The following LYPD6 variants were observed in gnomAD, a reference collection of about 807,000 sequenced individuals.
LYPD6 encodes LY6/PLAUR domain containing 6.
In LYPD6, 15 loss-of-function variants were observed where a neutral mutation model predicts 22.7. The ratio of observed to expected loss-of-function variants is 0.66; its 90% CI spans 0.44 to 1.02. The LOEUF is 1.02. Ranked by LOEUF, LYPD6 falls within the 50% of genes least tolerant of loss-of-function variation. The pLI is 0.00. For missense variants in LYPD6, 189 were observed against 208.4 expected, an observed-to-expected ratio of 0.91 and a Z score of 0.57; for synonymous variants, 72 against 77.5, an observed-to-expected ratio of 0.93 and a Z score of 0.37.
Position 149,461,581 on chromosome 2 carries a change from CCAAA to C in LYPD6, c.218-7047_218-7044del, listed in dbSNP as rs547392682. ...ATACCAAAACCAGACCAACACAGCA[CCAAA>C]CAAACAAACAAACAAATACAAAATT... On this transcript the variant is annotated intron_variant, in intron 3 of 4. Transcript: ENST00000334166. 7.8e-3 allele frequency among the ~76,000 whole-genome samples: 1,181 copies of C among 151,760 alleles called. 12 individuals carry two copies. Among genetic ancestry groups the C allele is most frequent in the African/African-American group, 0.026 (1,069 of 41,448 alleles).
At chr2:149,458,075 G>GA (rs1681006022) in intron 3 of LYPD6, among the ~76,000 whole-genome samples, 1 of 152,148 alleles carries the variant, frequency 6.6e-6, no homozygotes, top group African/African-American at 2.4e-5. Flanking sequence ...AAACACTATG[G>GA]AAAAAATTGT....
chr2:149,475,361 A>G (rs1380534196), downstream of LYPD6, among the ~76,000 whole-genome samples: 2 of 152,178 alleles, frequency 1.3e-5, no homozygotes, highest in Non-Finnish European at 2.9e-5. Context: ...GGACTAAGGC[A>G]TGGACATGAA....
intron 1 of LYPD6, among the ~76,000 whole-genome samples, chr2:149,404,883 G>C (rs942003687): frequency 1.6e-4 from 24 of 152,026 alleles, no homozygotes; most frequent in African/African-American, 3.9e-4. Flanking sequence ...TCATAGATAG[G>C]TCTTATTATT....
chr2:149,404,439 G>A (rs902281385), intron 1 of LYPD6, among the ~76,000 whole-genome samples: 3 of 152,140 alleles, frequency 2.0e-5, no homozygotes, highest in Non-Finnish European at 4.4e-5. Context: ...TACTTGAAGA[G>A]GTCCTTCACA....
intron 1 of LYPD6, among the ~76,000 whole-genome samples, chr2:149,369,106 G>A (rs1681745553): frequency 6.6e-6 from 1 of 152,028 alleles, no homozygotes; most frequent in Admixed American, 6.6e-5. Flanking sequence ...TGAAGGGTGA[G>A]TGCCTGTGAC....
At chr2:149,421,667 T>C (rs1476474970) in intron 1 of LYPD6, among the ~76,000 whole-genome samples, 2 of 152,154 alleles carry the variant, frequency 1.3e-5, no homozygotes, top group African/African-American at 4.8e-5. Context: ...ATGTAACCAA[T>C]GTATTTTATT....
At chr2:149,394,598 C>G (rs1377179659) in intron 1 of LYPD6, among the ~76,000 whole-genome samples, 1 of 152,152 alleles carries the variant, frequency 6.6e-6, no homozygotes. Context: ...GTAATGACCA[C>G]AAATAGCATT....
At chr2:149,405,727 A>G (rs1186517828) in intron 1 of LYPD6, among the ~76,000 whole-genome samples, 2 of 151,346 alleles carry the variant, frequency 1.3e-5, no homozygotes, top group Non-Finnish European at 1.5e-5. Context: ...TTGTGTCTCT[A>G]TTTCCTTCAG....
chr2:149,357,421 A>T (rs1022850376), intron 1 of LYPD6, among the ~76,000 whole-genome samples: 1 of 152,206 alleles, frequency 6.6e-6, no homozygotes, highest in Non-Finnish European at 1.5e-5. Flanking sequence ...CACCTGGCAC[A>T]TGTTAACATG....
At chr2:149,384,774 A>T (rs1682143645) in intron 1 of LYPD6, among the ~76,000 whole-genome samples, 1 of 151,996 alleles carries the variant, frequency 6.6e-6, no homozygotes, top group Non-Finnish European at 1.5e-5. Context: ...ACATGTGCAC[A>T]GTGTGCAGGT....
At chr2:149,354,682 C>T (rs1003918100) in intron 1 of LYPD6, among the ~76,000 whole-genome samples, 8 of 152,162 alleles carry the variant, frequency 5.3e-5, no homozygotes, top group Non-Finnish European at 1.2e-4. Context: ...CAACCACCTG[C>T]TCACCTTTTC....
rs1681398235 is a variant in LYPD6, at chr2:149,473,800, T to C, written c.*2950T>C. On this transcript the variant is annotated 3_prime_UTR_variant, in exon 5 of 5. Transcript: ENST00000334166. The stretch of plus-strand genomic sequence containing the variant: ...TACAAGACAATTCACCCATGCCAAA[T>C]GATTCATACAGGCTGTTTAAGTACT... 1 of 152,126 alleles carries C rather than the reference T, an allele frequency of 6.6e-6. No individual in the cohort carries two copies. Among genetic ancestry groups the C allele is most frequent in the Admixed American group, 6.5e-5 (1 of 15,280 alleles). 9.4% of individuals were successfully genotyped at this position (152,126 alleles called of 1,614,324 possible).
intron 3 of LYPD6, among the ~76,000 whole-genome samples, chr2:149,452,759 T>C (rs940930735): frequency 6.6e-6 from 1 of 152,196 alleles, no homozygotes; most frequent in African/African-American, 2.4e-5. Context: ...AGAGACATAG[T>C]GTATCTTAGC....
At chr2:149,392,336 A>G (rs984324969) in intron 1 of LYPD6, among the ~76,000 whole-genome samples, 1 of 152,182 alleles carries the variant, frequency 6.6e-6, no homozygotes, top group Non-Finnish European at 1.5e-5. Flanking sequence ...GTGGAGGAAG[A>G]TCGCACTCCA....
intron 1 of LYPD6, among the ~76,000 whole-genome samples, chr2:149,398,190 T>C (rs1437664356): frequency 6.6e-6 from 1 of 152,202 alleles, no homozygotes; most frequent in African/African-American, 2.4e-5. Flanking sequence ...TGGATGAGAC[T>C]TCTTATGCCA....
chr2:149,458,140 A>G (rs1334220969), intron 3 of LYPD6, among the ~76,000 whole-genome samples: 1 of 152,224 alleles, frequency 6.6e-6, no homozygotes. Context: ...TTCATCCTCA[A>G]TAGGCTGTAA....
intron 1 of LYPD6, among the ~76,000 whole-genome samples, chr2:149,401,877 C>T (rs1682563653): frequency 6.6e-6 from 1 of 151,998 alleles, no homozygotes; most frequent in African/African-American, 2.4e-5. Context: ...ACCCCTTCCC[C>T]CGAATCCCCA....
At chr2:149,445,642 A>G (rs1683671101) in intron 2 of LYPD6, among the ~76,000 whole-genome samples, 1 of 152,208 alleles carries the variant, frequency 6.6e-6, no homozygotes, top group Admixed American at 6.5e-5. Flanking sequence ...CTAGCTGCAG[A>G]CTTTTCTTCT....
chr2:149,429,035 C>T (rs1016214475), intron 1 of LYPD6, among the ~76,000 whole-genome samples: 1 of 152,126 alleles, frequency 6.6e-6, no homozygotes, highest in African/African-American at 2.4e-5. Context: ...GCTCTCCCAG[C>T]ATCTAGTCAG....
Sources: gnomAD v4.1 joint callset for allele counts (sites outside exome capture counted in the v4.1 genomes callset) on GRCh38, gnomAD v4.1.1 for gene constraint, MANE v1.5 for transcripts, NCBI Gene and HGNC (gene_info 2026-07-23, HGNC 2026-07-21) for gene names.